Variants in LIMCH1 observed in about 807,000 individuals in gnomAD.
The protein encoded by LIMCH1 is LIM and calponin homology domains 1, also known as LIM and calponin homology domains-containing protein 1.
LIMCH1 carries 113 observed loss-of-function variants against 176.5 expected under a neutral mutation model. The ratio of observed to expected loss-of-function variants is 0.64; its 90% CI spans 0.55 to 0.75. The LOEUF is 0.75. Among genes scored for constraint, LIMCH1 ranks in the 30% least tolerant of loss-of-function variants. The pLI, the probability that LIMCH1 is intolerant of heterozygous loss-of-function variation, is 0.00. For synonymous variants in LIMCH1, 619 were observed against 645.9 expected (o/e 0.96, Z 0.63); for missense variants, 1,674 against 1,814.9 (o/e 0.92, Z 1.41).
chr4:41,470,751 C>T (rs2066834193), intron 1 of LIMCH1, among the ~76,000 whole-genome samples: 2 of 152,062 alleles, frequency 1.3e-5, no homozygotes, highest in African/African-American at 4.8e-5. Flanking sequence ...TAATGGTTGG[C>T]TGGCCCTAGG....
At chr4:41,434,144 A>G (rs990705714) in intron 1 of LIMCH1, among the ~76,000 whole-genome samples, 1 of 152,204 alleles carries the variant, frequency 6.6e-6, no homozygotes, top group East Asian at 1.9e-4. Flanking sequence ...AGAAGGAGCC[A>G]GATGTTCTGG....
At chr4:41,621,253 T>C (rs149276527) in intron 7 of LIMCH1, among the ~76,000 whole-genome samples, 1 of 152,290 alleles carries the variant, frequency 6.6e-6, no homozygotes, top group Non-Finnish European at 1.5e-5. Context: ...TCTCTTTAAT[T>C]GTAACAAAGG....
intron 13 of LIMCH1, among the ~76,000 whole-genome samples, chr4:41,637,167 C>T (rs1405101813): frequency 7.6e-6 from 1 of 132,328 alleles, no homozygotes; most frequent in Non-Finnish European, 1.6e-5. Context: ...TTAATATTGC[C>T]CTTGCACTCC....
chr4:41,366,818 A>G (rs932859002), intron 1 of LIMCH1, among the ~76,000 whole-genome samples: 11 of 152,352 alleles, frequency 7.2e-5, no homozygotes, highest in African/African-American at 1.2e-4. Flanking sequence ...ATGCCCATGC[A>G]TCTAACCCTG....
In LIMCH1 at chr4:41,679,988, A is replaced by G. The variant is rs376824517; in HGVS notation, c.3520-18A>G. The G allele has an allele frequency of 6.3e-7, 1 of 1,576,612 alleles. No homozygotes were observed. The highest frequency in any genetic ancestry group is 1.3e-5 in the African/African-American group (1 of 74,316). On this transcript the variant is annotated intron_variant, in intron 23 of 31. Transcript: ENST00000503057. ...TGCAATGGTCAGTTGAGAACAATCTATGGAAATTCCATAACAGGAGAGATA... is the reference window on the plus strand; with the variant it reads ...TGCAATGGTCAGTTGAGAACAATCTGTGGAAATTCCATAACAGGAGAGATA...
At chr4:41,687,704 G>T (rs1560390416) in intron 28 of LIMCH1, 136 bp from the exon 29 acceptor site, 2 of 544,670 alleles carry the variant, frequency 3.7e-6, no homozygotes, top group Non-Finnish European at 6.6e-6. Context: ...ATACTGCCAG[G>T]AAATGCTGTG....
intron 2 of LIMCH1, among the ~76,000 whole-genome samples, chr4:41,522,439 T>C (rs2076213139): frequency 6.7e-6 from 1 of 149,184 alleles, no homozygotes; most frequent in African/African-American, 2.5e-5. Context: ...GGTACAAAGG[T>C]GACAGTGAGA....
At chr4:41,538,604 G>A (rs914770646) in intron 1 of LIMCH1, among the ~76,000 whole-genome samples, 6 of 146,408 alleles carry the variant, frequency 4.1e-5, no homozygotes, top group South Asian at 2.2e-4. Flanking sequence ...TTTATTTTCC[G>A]GTATGTGGTA....
At chr4:41,460,138 A>G (rs981306125) in intron 1 of LIMCH1, among the ~76,000 whole-genome samples, 2 of 152,158 alleles carry the variant, frequency 1.3e-5, no homozygotes, top group Non-Finnish European at 2.9e-5. Flanking sequence ...CGGCACAGAT[A>G]GAATTCTAAT....
chr4:41,477,990 C>T (rs768506697), intron 1 of LIMCH1, among the ~76,000 whole-genome samples: 6 of 152,156 alleles, frequency 3.9e-5, no homozygotes, highest in Non-Finnish European at 7.3e-5. Context: ...AACTAAACAG[C>T]TCTTAAAAGT....
chr4:41,486,929 A>G (rs1164099337), intron 1 of LIMCH1, among the ~76,000 whole-genome samples: 2 of 151,088 alleles, frequency 1.3e-5, no homozygotes, highest in East Asian at 1.9e-4. Context: ...TTACAGATGC[A>G]TGCTACCACG....
intron 7 of LIMCH1, among the ~76,000 whole-genome samples, chr4:41,625,264 A>C (rs564175837): frequency 6.6e-6 from 1 of 152,312 alleles, no homozygotes; most frequent in South Asian, 2.1e-4. Flanking sequence ...TGTACTAGCT[A>C]CTAAGAGTTG....
intron 18 of LIMCH1, 131 bp downstream of exon 18, chr4:41,650,739 G>C: frequency 1.3e-6 from 1 of 755,798 alleles, no homozygotes; most frequent in Non-Finnish European, 2.1e-6. Flanking sequence ...TAGGGCTGCT[G>C]TAAGTACCAC....
intron 1 of LIMCH1, among the ~76,000 whole-genome samples, chr4:41,445,020 CT>C (rs11414585): frequency 0.11 from 14,322 of 128,436 alleles, 801 homozygotes; most frequent in African/African-American, 0.2. Flanking sequence ...TTTTCCCATT[CT>C]TTTTTTTTTT....
At chr4:41,694,840 G>A (rs1729209195) in intron 31 of LIMCH1, among the ~76,000 whole-genome samples, 1 of 151,952 alleles carries the variant, frequency 6.6e-6, no homozygotes, top group Non-Finnish European at 1.5e-5. Context: ...TCAGAAAAGT[G>A]CACTCTCCCT....
At chr4:41,477,639 C>T (rs1222373865) in intron 1 of LIMCH1, among the ~76,000 whole-genome samples, 1 of 152,160 alleles carries the variant, frequency 6.6e-6, no homozygotes, top group African/African-American at 2.4e-5. Flanking sequence ...AAAACTGTGG[C>T]TAGAACACAG....
At chr4:41,572,521 G>A (rs1024598690) in intron 1 of LIMCH1, among the ~76,000 whole-genome samples, 1 of 152,102 alleles carries the variant, frequency 6.6e-6, no homozygotes, top group Non-Finnish European at 1.5e-5. Context: ...TAAAAAGAAG[G>A]ACCTCTGAGA....
At chr4:41,369,202 T>A (rs1389228363) in intron 1 of LIMCH1, among the ~76,000 whole-genome samples, 2 of 152,152 alleles carry the variant, frequency 1.3e-5, no homozygotes, top group Non-Finnish European at 2.9e-5. Context: ...ATCTTCCCAG[T>A]CTAACATGGC....
intron 1 of LIMCH1, among the ~76,000 whole-genome samples, chr4:41,450,566 C>T (rs988383079): frequency 2.6e-5 from 4 of 151,940 alleles, no homozygotes; most frequent in African/African-American, 9.7e-5. Flanking sequence ...CTTTGGGAGG[C>T]TGAGGCGGGC....
Sources: allele counts gnomAD v4.1 joint callset (sites outside exome capture counted in the v4.1 genomes callset), GRCh38; gene constraint gnomAD v4.1.1; transcripts MANE v1.5; gene names NCBI Gene and HGNC (gene_info 2026-07-23, HGNC 2026-07-21).